Variants in MALRD1 observed in about 807,000 individuals in gnomAD.
MALRD1 encodes the protein MAM and LDL-receptor class A domain-containing protein 1.
MALRD1 carries 247 observed loss-of-function variants against 242.1 expected under a neutral mutation model. The observed-to-expected ratio is 1.02, with a 90% CI of 0.92 to 1.13. The LOEUF (loss-of-function observed/expected upper bound fraction) is 1.13. MALRD1 is among the 50% of genes most tolerant of loss of function. The pLI is 0.00. For synonymous variants in MALRD1, 995 were observed against 866.6 expected, an observed-to-expected ratio of 1.15 and a Z score of -2.60; for missense variants, 2,989 against 2,533.1, an observed-to-expected ratio of 1.18 and a Z score of -3.86.
chr10:19,183,883 A>G (rs1020741211), intron 14 of MALRD1, among the ~76,000 whole-genome samples: 1 of 152,220 alleles, frequency 6.6e-6, no homozygotes, highest in Non-Finnish European at 1.5e-5. Context: ...CTTAAAATGT[A>G]ACCCAGGTGT....
intron 14 of MALRD1, among the ~76,000 whole-genome samples, chr10:19,179,715 ATTC>A (rs1326838729): frequency 1.3e-5 from 2 of 152,202 alleles, no homozygotes; most frequent in African/African-American, 2.4e-5. Flanking sequence ...ACATCATAAT[ATTC>A]TTATTATCGT....
intron 31 of MALRD1, among the ~76,000 whole-genome samples, chr10:19,530,270 T>G (rs1258592751): frequency 6.8e-6 from 1 of 146,728 alleles, no homozygotes; most frequent in East Asian, 2.0e-4. Context: ...AAAAATTGTG[T>G]ATTCATTTTT....
At chr10:19,234,179 AAAAAT>A (rs1358064379) in intron 18 of MALRD1, among the ~76,000 whole-genome samples, 1 of 152,044 alleles carries the variant, frequency 6.6e-6, no homozygotes, top group African/African-American at 2.4e-5. Context: ...TCCTCAAAAG[AAAAAT>A]AAAATAATCT....
intron 10 of MALRD1, among the ~76,000 whole-genome samples, chr10:19,143,185 G>C (rs975502833): frequency 1.3e-5 from 2 of 152,144 alleles, no homozygotes; most frequent in Non-Finnish European, 2.9e-5. Flanking sequence ...TGAAAGAAAT[G>C]GTTTGAACTT....
intron 29 of MALRD1, among the ~76,000 whole-genome samples, chr10:19,455,211 C>G (rs7911710): frequency 0.027 from 4,083 of 152,160 alleles, 200 homozygotes; most frequent in African/African-American, 0.093. Context: ...AGCAACCATT[C>G]CACAGAACAA....
chr10:19,497,951 A>G (rs190645063), intron 30 of MALRD1, among the ~76,000 whole-genome samples: 1 of 152,350 alleles, frequency 6.6e-6, no homozygotes, highest in East Asian at 1.9e-4. Context: ...CACTTTTAGA[A>G]GAGAATTTCT....
intron 36 of MALRD1, among the ~76,000 whole-genome samples, chr10:19,633,282 T>C (rs1057417325): frequency 2.6e-5 from 4 of 152,126 alleles, no homozygotes; most frequent in African/African-American, 9.7e-5. Context: ...CAAGATTTCT[T>C]GGCCATGTTG....
At position 19,531,350 on chromosome 10, in the gene MALRD1, A is replaced by G. The variant is rs1277343207; in HGVS notation, c.5477A>G (p.Lys1826Arg). 8.5e-6 allele frequency: 13 copies of G among 1,527,026 alleles called. No homozygotes were observed. The highest frequency in any genetic ancestry group is 9.7e-6 in the Non-Finnish European group (11 of 1,131,704). 94.6% of individuals were successfully genotyped at this position (1,527,026 alleles called of 1,614,324 possible). A position where few individuals can be genotyped will look rare whatever the true frequency, so the allele number is the denominator to read the frequency against. ...GATCCCAGGAGTATGGGAATATTAA[A>G]GGTACAAAAGGAAGCCAGAGATTTA... ...MIDPRSMGILKVYTIEESGLN... is the reference protein window; with the variant it reads ...MIDPRSMGILRVYTIEESGLN... Residue 1826 changes from lysine (K) to arginine (R), a missense_variant and splice_region_variant, in exon 32 of 40, where the codon AAG becomes AGG. Physicochemically the swap from Lys to Arg is conservative, Grantham distance 26. Coordinates refer to ENST00000454679, the MANE Select transcript of MALRD1 (RefSeq NM_001142308.3).
intron 29 of MALRD1, among the ~76,000 whole-genome samples, chr10:19,469,786 A>G (rs754238778): frequency 1.0e-3 from 152 of 152,008 alleles, no homozygotes; most frequent in Non-Finnish European, 1.2e-3. Context: ...TTTCCAGAAA[A>G]CTTTATTCAA....
intron 24 of MALRD1, among the ~76,000 whole-genome samples, chr10:19,334,668 A>G (rs1843526833): frequency 6.9e-6 from 1 of 144,916 alleles, no homozygotes; most frequent in Non-Finnish European, 1.5e-5. Context: ...TTATTATGTG[A>G]AAAAGGGAAA....
intron 14 of MALRD1, among the ~76,000 whole-genome samples, chr10:19,192,432 T>C (rs999888301): frequency 1.3e-5 from 2 of 152,230 alleles, no homozygotes; most frequent in East Asian, 1.9e-4. Flanking sequence ...TTTAAAGATG[T>C]AAGGAGCCAC....
At chr10:19,050,136 G>A in intron 1 of MALRD1, among the ~76,000 whole-genome samples, 1 of 140,256 alleles carries the variant, frequency 7.1e-6, no homozygotes, top group Admixed American at 7.5e-5. Context: ...CGCCCAGGCT[G>A]GAGTGCAGTG....
chr10:19,346,279 T>TA (rs1844120084), intron 24 of MALRD1, among the ~76,000 whole-genome samples: 1 of 152,170 alleles, frequency 6.6e-6, no homozygotes. Flanking sequence ...TGTAATAAAA[T>TA]AGAGTACATG....
chr10:19,531,460 A>G, intron 32 of MALRD1, 109 bp downstream of exon 32: 1 of 1,042,246 alleles, frequency 9.6e-7, no homozygotes, highest in Non-Finnish European at 1.3e-6. Flanking sequence ...GCCAGTGCTG[A>G]TGCCATTAAT....
intron 19 of MALRD1, among the ~76,000 whole-genome samples, chr10:19,279,441 G>T (rs1051644948): frequency 6.6e-6 from 1 of 152,116 alleles, no homozygotes; most frequent in Non-Finnish European, 1.5e-5. Context: ...TCTACCACGT[G>T]TATGGCACAG....
At chr10:19,284,435 T>C (rs1437655868) in intron 21 of MALRD1, among the ~76,000 whole-genome samples, 2 of 127,438 alleles carry the variant, frequency 1.6e-5, no homozygotes, top group Non-Finnish European at 3.2e-5. Flanking sequence ...CAGAGTGTGA[T>C]GTTCCCCTTC....
At chr10:19,078,400 A>G (rs1039090354) in intron 2 of MALRD1, among the ~76,000 whole-genome samples, 1 of 151,820 alleles carries the variant, frequency 6.6e-6, no homozygotes, top group African/African-American at 2.4e-5. Context: ...CATTCCTAGG[A>G]TAAATTCCGC....
intron 21 of MALRD1, among the ~76,000 whole-genome samples, chr10:19,303,310 A>C (rs1285931495): frequency 6.6e-6 from 1 of 151,682 alleles, no homozygotes; most frequent in Non-Finnish European, 1.5e-5. Flanking sequence ...TTTTATAATG[A>C]TAAATAAAAT....
At chr10:19,514,463 A>C (rs1455310327) in intron 31 of MALRD1, among the ~76,000 whole-genome samples, 4 of 152,166 alleles carry the variant, frequency 2.6e-5, no homozygotes, top group Non-Finnish European at 5.9e-5. Context: ...TATGGCCTGT[A>C]GGAAAACTCC....
Sources: gnomAD v4.1 joint callset for allele counts (sites outside exome capture counted in the v4.1 genomes callset) on GRCh38, gnomAD v4.1.1 for gene constraint, MANE v1.5 for transcripts, NCBI Gene and HGNC (gene_info 2026-07-23, HGNC 2026-07-21) for gene names.